The following RSPO2 variants were observed in gnomAD, a reference collection of about 807,000 sequenced individuals.
RSPO2 encodes the protein R-spondin-2.
In RSPO2, 14 loss-of-function variants were observed where a neutral mutation model predicts 30.9. The ratio of observed to expected loss-of-function variants is 0.45; its 90% confidence interval spans 0.30 to 0.71. The LOEUF is 0.71. Among genes scored for constraint, RSPO2 ranks in the 30% least tolerant of loss-of-function variants. The pLI, the probability that RSPO2 is intolerant of heterozygous loss-of-function variation, is 0.08. For synonymous variants in RSPO2, 107 were observed against 96.4 expected, an observed-to-expected ratio of 1.11 and a Z score of -0.64; for missense variants, 264 against 301.9, an observed-to-expected ratio of 0.87 and a Z score of 0.93.
At chr8:107,944,159 A>T (rs1812982307) in intron 5 of RSPO2, among the ~76,000 whole-genome samples, 1 of 152,226 alleles carries the variant, frequency 6.6e-6, no homozygotes, top group Non-Finnish European at 1.5e-5. Flanking sequence ...TGGAATAGAC[A>T]TTCTAATAAC....
intron 3 of RSPO2, among the ~76,000 whole-genome samples, chr8:107,977,310 T>C (rs1254926739): frequency 6.6e-6 from 1 of 152,168 alleles, no homozygotes; most frequent in Non-Finnish European, 1.5e-5. Flanking sequence ...GCCAGTCGGG[T>C]CAGCCACACC....
chr8:107,980,091 GAT>G (rs910722309), intron 3 of RSPO2, among the ~76,000 whole-genome samples: 29 of 152,024 alleles, frequency 1.9e-4, no homozygotes, highest in African/African-American at 6.0e-4. Flanking sequence ...CCTCTTTCAA[GAT>G]AGTTTTATAA....
At chr8:108,060,419 GA>G (rs1812414377) in intron 2 of RSPO2, among the ~76,000 whole-genome samples, 1 of 151,720 alleles carries the variant, frequency 6.6e-6, no homozygotes. Flanking sequence ...CGATCAACTG[GA>G]AAAAGGGTAT....
At chr8:107,908,823 A>G (rs1193404240) in intron 5 of RSPO2, among the ~76,000 whole-genome samples, 1 of 152,202 alleles carries the variant, frequency 6.6e-6, no homozygotes, top group Non-Finnish European at 1.5e-5. Context: ...TTTAGAGAAA[A>G]AGCATTATTC....
chr8:107,930,102 G>A (rs1238388935), intron 5 of RSPO2, among the ~76,000 whole-genome samples: 5 of 152,096 alleles, frequency 3.3e-5, no homozygotes, highest in African/African-American at 9.7e-5. Flanking sequence ...CCATTAATAT[G>A]CGCCCATGTA....
intron 5 of RSPO2, among the ~76,000 whole-genome samples, chr8:107,924,172 C>G (rs1311406698): frequency 2.0e-5 from 3 of 151,702 alleles, no homozygotes; most frequent in Non-Finnish European, 4.4e-5. Flanking sequence ...TACAAACAAA[C>G]CCTCACTAAA....
chr8:108,062,889 A>G (rs1347720316), intron 2 of RSPO2, among the ~76,000 whole-genome samples: 2 of 152,052 alleles, frequency 1.3e-5, no homozygotes, highest in African/African-American at 2.4e-5. Context: ...ACGCAAATCA[A>G]TAAATGTAAT....
intron 3 of RSPO2, among the ~76,000 whole-genome samples, chr8:107,984,707 T>C (rs1814566670): frequency 6.6e-6 from 1 of 152,082 alleles, no homozygotes; most frequent in Non-Finnish European, 1.5e-5. Flanking sequence ...GATGCAAGAG[T>C]GGAAGTAATG....
At chr8:108,019,749 T>C (rs1269184533) in intron 2 of RSPO2, among the ~76,000 whole-genome samples, 1 of 152,220 alleles carries the variant, frequency 6.6e-6, no homozygotes, top group Non-Finnish European at 1.5e-5. Flanking sequence ...ATTGAGTGCT[T>C]TTCAAAGAAA....
intron 2 of RSPO2, among the ~76,000 whole-genome samples, chr8:108,051,647 G>C (rs1356557482): frequency 2.0e-5 from 3 of 152,158 alleles, no homozygotes; most frequent in African/African-American, 7.2e-5. Context: ...TACCATTCCA[G>C]TAAATAAACA....
intron 2 of RSPO2, among the ~76,000 whole-genome samples, chr8:108,055,213 A>G (rs982459603): frequency 6.6e-6 from 1 of 152,190 alleles, no homozygotes; most frequent in African/African-American, 2.4e-5. Flanking sequence ...AAACACGAGT[A>G]AAGAGCTTTC....
At chr8:108,054,282 A>G (rs1374171314) in intron 2 of RSPO2, among the ~76,000 whole-genome samples, 1 of 152,154 alleles carries the variant, frequency 6.6e-6, no homozygotes, top group Non-Finnish European at 1.5e-5. Context: ...AGCAGGGTCC[A>G]GTGGAGATTT....
chr8:108,030,851 G>T (rs984688755), intron 2 of RSPO2, among the ~76,000 whole-genome samples: 23 of 152,150 alleles, frequency 1.5e-4, no homozygotes, highest in Non-Finnish European at 2.6e-4. Context: ...GACTGAGTTT[G>T]CTTCCTTCAG....
At chr8:107,902,251 G>C (rs1586523871) in intron 5 of RSPO2, among the ~76,000 whole-genome samples, 1 of 152,138 alleles carries the variant, frequency 6.6e-6, no homozygotes, top group Admixed American at 6.5e-5. Flanking sequence ...CAATGAACAA[G>C]AAAGAATCCT....
At chr8:107,991,608 G>A (rs972070255) in intron 2 of RSPO2, among the ~76,000 whole-genome samples, 4 of 152,018 alleles carry the variant, frequency 2.6e-5, no homozygotes, top group Non-Finnish European at 5.9e-5. Flanking sequence ...GACTGAACAG[G>A]CAACCTACAG....
intron 2 of RSPO2, among the ~76,000 whole-genome samples, chr8:107,992,533 G>C (rs767860706): frequency 6.6e-6 from 1 of 152,058 alleles, no homozygotes; most frequent in Non-Finnish European, 1.5e-5. Flanking sequence ...TAACAAACCT[G>C]CACTTGTACC....
intron 5 of RSPO2, among the ~76,000 whole-genome samples, chr8:107,908,118 A>G (rs1430035342): frequency 6.6e-6 from 1 of 152,176 alleles, no homozygotes; most frequent in African/African-American, 2.4e-5. Context: ...TTTCCTGCAC[A>G]CGGTATTTCA....
chr8:107,929,148 G>A (rs1269203728), intron 5 of RSPO2, among the ~76,000 whole-genome samples: 1 of 152,142 alleles, frequency 6.6e-6, no homozygotes, highest in African/African-American at 2.4e-5. Flanking sequence ...TCTGATGGAT[G>A]GTAATGGCTG....
chr8:107,988,897 G>T (rs190252363), intron 3 of RSPO2, among the ~76,000 whole-genome samples, 159 bp downstream of exon 3: 1 of 151,984 alleles, frequency 6.6e-6, no homozygotes, highest in African/African-American at 2.4e-5. Context: ...CAAAGTGCTG[G>T]GATTACAGGC....
Sources: gnomAD v4.1 joint callset for allele counts (sites outside exome capture counted in the v4.1 genomes callset) on GRCh38, gnomAD v4.1.1 for gene constraint, MANE v1.5 for transcripts, NCBI Gene and HGNC (gene_info 2026-07-23, HGNC 2026-07-21) for gene names.